INTS4: variants seen among roughly 807,000 people sequenced by gnomAD.
INTS4 encodes MSTP093.
In INTS4, 70 loss-of-function variants were observed where a neutral mutation model predicts 119.5. That is an observed-to-expected ratio of 0.59 (90% CI 0.48 to 0.71). The LOEUF (loss-of-function observed/expected upper bound fraction) is 0.71, where lower values mean the gene tolerates loss of function less well. Among genes scored for constraint, INTS4 ranks in the 30% least tolerant of loss-of-function variants. INTS4 has a pLI of 0.00. For synonymous variants in INTS4, 316 were observed against 419.6 expected (o/e 0.75, Z 3.02); for missense variants, 867 against 1,173.2 (o/e 0.74, Z 3.81).
At chr11:77,881,218 TGAGA>T (rs1951780068) in intron 22 of INTS4, among the ~76,000 whole-genome samples, 1 of 152,200 alleles carries the variant, frequency 6.6e-6, no homozygotes, top group Non-Finnish European at 1.5e-5. Flanking sequence ...CTCATCTTAA[TGAGA>T]CAGGGAAGTA....
intron 5 of INTS4, among the ~76,000 whole-genome samples, chr11:77,960,628 T>A (rs1954445663): frequency 6.6e-6 from 1 of 152,122 alleles, no homozygotes. Flanking sequence ...GAAATAATGA[T>A]ATGAAGCCTA....
rs368172034 is a variant in INTS4, at chr11:77,883,855, T to C, written c.2690A>G (p.Tyr897Cys). The change falls in exon 22 of 23, where the codon TAT (tyrosine) becomes TGT (cysteine). Residue 897 changes from tyrosine (Y) to cysteine (C), a missense_variant. Tyr to Cys is a radical substitution (Grantham distance 194). This residue lies in a region of INTS4 where 122 missense variants were observed against 133.2 expected (regional missense o/e 0.92). Transcript: ENST00000534064. ...PGRHRLITQV[Y>C]LSHTAWTEAC... ...ACCTGTCCAAGCGGTGTGGGAGAGA[T>C]AAACCTGAGTGATGAGCCGGTGCCG... is the stretch of plus-strand genomic sequence containing the variant. 1 of 1,612,894 alleles carries C rather than the reference T, an allele frequency of 6.2e-7. No homozygotes were observed. The highest frequency in any genetic ancestry group is 8.5e-7 in the Non-Finnish European group (1 of 1,179,490).
At chr11:77,967,875 T>C (rs1180621929) in intron 4 of INTS4, among the ~76,000 whole-genome samples, 2 of 152,194 alleles carry the variant, frequency 1.3e-5, no homozygotes, top group African/African-American at 4.8e-5. Context: ...AATATAGTCA[T>C]GCATCAATTA....
At chr11:77,957,260 T>C (rs1954351436) in intron 7 of INTS4, among the ~76,000 whole-genome samples, 2 of 151,984 alleles carry the variant, frequency 1.3e-5, no homozygotes, top group African/African-American at 4.8e-5. Flanking sequence ...TGAATAAAAG[T>C]GTGTAACCCA....
chr11:77,960,797 C>T (rs1591111562), intron 5 of INTS4, among the ~76,000 whole-genome samples, 156 bp downstream of exon 5: 1 of 152,142 alleles, frequency 6.6e-6, no homozygotes, highest in African/African-American at 2.4e-5. Flanking sequence ...CACTTGTATA[C>T]AGGAATGTGT....
intron 21 of INTS4, among the ~76,000 whole-genome samples, chr11:77,885,669 A>T (rs966861294): frequency 2.0e-5 from 3 of 151,972 alleles, no homozygotes; most frequent in Non-Finnish European, 4.4e-5. Context: ...AAATACAAAA[A>T]TTAGCTGGGT....
intron 21 of INTS4, among the ~76,000 whole-genome samples, chr11:77,890,555 G>C (rs1327292547): frequency 6.3e-4 from 96 of 152,110 alleles, no homozygotes; most frequent in African/African-American, 2.2e-3. Flanking sequence ...TTTTTTAGGA[G>C]ACAGTCTAGG....
intron 2 of INTS4, among the ~76,000 whole-genome samples, chr11:77,986,194 T>A (rs116336769): frequency 0.013 from 1,958 of 152,278 alleles, 39 homozygotes; most frequent in African/African-American, 0.044. Context: ...TTATGTTTTT[T>A]AAGAGTCTTC....
intron 18 of INTS4, among the ~76,000 whole-genome samples, chr11:77,900,151 G>A (rs1293789572): frequency 6.6e-6 from 1 of 151,538 alleles, no homozygotes; most frequent in African/African-American, 2.4e-5. Flanking sequence ...CCAGGCTGGA[G>A]TGCAGTGGTG....
chr11:77,941,290 T>C (rs573382092), intron 8 of INTS4, 39 bp from the exon 9 acceptor site: 98 of 1,584,718 alleles, frequency 6.2e-5, no homozygotes, highest in Admixed American at 1.4e-4. Flanking sequence ...AAACAACTTT[T>C]ATGATTTGAA....
At chr11:77,988,800 AAAG>A (rs1313236644) in intron 2 of INTS4, among the ~76,000 whole-genome samples, 1 of 152,254 alleles carries the variant, frequency 6.6e-6, no homozygotes, top group Admixed American at 6.5e-5. Context: ...GTTAATCCTT[AAAG>A]AAGTAAATGA....
chr11:77,884,818 G>A (rs1463273598), intron 21 of INTS4: 1 of 405,918 alleles, frequency 2.5e-6, no homozygotes, highest in Non-Finnish European at 5.1e-6. Flanking sequence ...GCAGTGGCAC[G>A]ATCATAACTC....
intron 11 of INTS4, 87 bp from the exon 12 acceptor site, chr11:77,924,979 T>C (rs1953461187): frequency 2.0e-6 from 2 of 1,018,866 alleles, no homozygotes; most frequent in African/African-American, 3.2e-5. Context: ...CCCAGCCACC[T>C]TCCCATCTAG....
At chr11:77,948,694 AAGG>A (rs373180420) in intron 8 of INTS4, among the ~76,000 whole-genome samples, 16,023 of 118,528 alleles carry the variant, frequency 0.14, 1,168 homozygotes, top group Non-Finnish European at 0.16. Flanking sequence ...GAAGAAGAAG[AAGG>A]AAAAAATCTT....
intron 8 of INTS4, among the ~76,000 whole-genome samples, chr11:77,951,685 C>A (rs1954199428): frequency 6.6e-6 from 1 of 152,126 alleles, no homozygotes; most frequent in African/African-American, 2.4e-5. Flanking sequence ...AACTAAAGAG[C>A]TTGTGCACAG....
chr11:77,884,759 C>CTT, intron 21 of INTS4: 10 of 382,226 alleles, frequency 2.6e-5, no homozygotes, highest in Non-Finnish European at 4.3e-5. Flanking sequence ...TTCTTTCTTT[C>CTT]TTTTTTTTTC....
chr11:77,958,428 G>A (rs1954384573), intron 7 of INTS4, among the ~76,000 whole-genome samples: 1 of 152,096 alleles, frequency 6.6e-6, no homozygotes, highest in South Asian at 2.1e-4. Flanking sequence ...ACTAAAATGG[G>A]TCCCAAACAA....
chr11:77,986,421 G>C (rs1856458733), intron 2 of INTS4, among the ~76,000 whole-genome samples: 1 of 152,280 alleles, frequency 6.6e-6, no homozygotes, highest in Non-Finnish European at 1.5e-5. Context: ...TTGTGGAAGA[G>C]AGTGCGGCAA....
intron 20 of INTS4, 69 bp from the exon 21 acceptor site, chr11:77,891,531 TTCTG>T: frequency 6.3e-7 from 1 of 1,589,626 alleles, no homozygotes; most frequent in Non-Finnish European, 8.6e-7. Flanking sequence ...CGCATCTTTT[TTCTG>T]TCTCCTTATC....
Sources: gnomAD v4.1 joint callset for allele counts (sites outside exome capture counted in the v4.1 genomes callset) on GRCh38, gnomAD v4.1.1 for gene constraint, gnomAD v4.1.1 regional missense constraint, MANE v1.5 for transcripts, NCBI Gene and HGNC (gene_info 2026-07-23, HGNC 2026-07-21) for gene names.